Variants in INO80 observed in about 807,000 individuals in gnomAD.
The protein encoded by INO80 is INO80 complex ATPase subunit.
A neutral mutation model predicts 203.4 loss-of-function variants in INO80; 20 were observed. The observed-to-expected ratio is 0.10, with a 90% CI of 0.07 to 0.14. INO80 has a LOEUF of 0.14. INO80 is among the 10% of genes least tolerant of loss of function. INO80 has a pLI of 1.00. For missense variants in INO80, 1,419 were observed against 1,914.4 expected (o/e 0.74, Z 4.83); for synonymous variants, 726 against 685.2 (o/e 1.06, Z -0.93).
At chr15:41,096,607 T>C (rs537146999) in intron 1 of INO80, among the ~76,000 whole-genome samples, 2 of 152,342 alleles carry the variant, frequency 1.3e-5, no homozygotes, top group Admixed American at 6.5e-5. Flanking sequence ...ATTCATACTA[T>C]ACTTTTTCAA....
chr15:41,017,273 C>G (rs2044225175), intron 26 of INO80: 1 of 152,148 alleles, frequency 6.6e-6, no homozygotes, highest in Non-Finnish European at 1.5e-5. Flanking sequence ...CTATCATATT[C>G]AGGAAGTAGA....
At chr15:41,008,056 C>T (rs752870721) in intron 27 of INO80, among the ~76,000 whole-genome samples, 63 of 152,138 alleles carry the variant, frequency 4.1e-4, no homozygotes, top group Non-Finnish European at 6.3e-4. Flanking sequence ...TGCCTGTAGT[C>T]CCAGCTACTC....
chr15:41,068,314 G>C (rs979044022), intron 14 of INO80, among the ~76,000 whole-genome samples: 2 of 152,154 alleles, frequency 1.3e-5, no homozygotes, highest in Non-Finnish European at 2.9e-5. Context: ...CAGCACTTCA[G>C]GAGGCTGACA....
intron 5 of INO80, among the ~76,000 whole-genome samples, chr15:41,088,093 T>C (rs1005601436): frequency 2.0e-4 from 29 of 144,734 alleles, no homozygotes; most frequent in African/African-American, 6.7e-4. Context: ...TTTTCTTTTT[T>C]TTTTTTTTTT....
At chr15:41,039,782 G>A (rs908020180) in intron 24 of INO80, among the ~76,000 whole-genome samples, 6 of 152,142 alleles carry the variant, frequency 3.9e-5, no homozygotes, top group African/African-American at 1.4e-4. Flanking sequence ...TAAAACACAG[G>A]AATATCTTCT....
At chr15:40,995,539 G>C (rs1010518181) in intron 29 of INO80, among the ~76,000 whole-genome samples, 24 of 152,198 alleles carry the variant, frequency 1.6e-4, no homozygotes, top group African/African-American at 5.8e-4. Context: ...AATTCCTGAA[G>C]AGTTTTAATC....
Position 41,004,570 on chromosome 15 carries a change from C to CG in INO80, c.3497+1022_3497+1023insC, listed in dbSNP as rs1333951827. ...AAACTGAAGACGAAGTTCAACAGAC[C>CG]CGTCACTAGTGGAGCCTGGCTTTCT... On this transcript the variant is annotated intron_variant, in intron 28 of 35. Coordinates refer to ENST00000648947, the MANE Select transcript of INO80 (RefSeq NM_017553.3). The CG allele has an allele frequency of 2.0e-5, 3 of 152,138 alleles. No homozygotes were observed. In the East Asian group the frequency reaches 5.8e-4, roughly 29 times the overall value. The allele number at this position is 152,138 out of a possible 1,614,324, so 9.4% of individuals were successfully genotyped here.
In INO80 at chr15:40,980,383, T is replaced by A; in HGVS notation, c.4511A>T (p.Asp1504Val). ...AGAAGAGGCGCTTGAAGGTCCAAAG[T>A]CAGCAAGGCCAGCAGGCCGAACAAG... ...TSLVRPAGLA[D>V]FGPSSASSPL... The change falls in exon 36 of 36, where the codon GAC becomes GTC. Residue 1504 changes from aspartate to valine, a missense_variant. By Grantham distance (152) the Asp-to-Val change is radical. Around this residue, in one of 9 missense-constraint regions of INO80, gnomAD observed 112 missense variants for 106.2 expected, o/e 1.05. Transcript: ENST00000648947. The A allele has an allele frequency of 6.2e-7, 1 of 1,613,912 alleles. No individual in the cohort carries two copies. The highest frequency in any genetic ancestry group is 1.1e-5 in the South Asian group (1 of 91,068).
intron 24 of INO80, among the ~76,000 whole-genome samples, chr15:41,037,450 G>T (rs2044596648): frequency 6.6e-6 from 1 of 152,078 alleles, no homozygotes; most frequent in African/African-American, 2.4e-5. Context: ...GTTGCAGTGA[G>T]CCAATATCGT....
At chr15:41,054,165 G>A in intron 18 of INO80, 151 bp from the exon 19 acceptor site, 1 of 594,836 alleles carries the variant, frequency 1.7e-6, no homozygotes, top group South Asian at 2.5e-5. Flanking sequence ...TCCCAAGTAG[G>A]AAAGCAAGGA....
chr15:41,081,049 G>C lies in INO80; in HGVS notation c.898C>G (p.Arg300Gly). Residue 300 changes from arginine to glycine, a missense_variant, in exon 8 of 36, where the codon CGT becomes GGT. Arg to Gly is a moderately radical substitution (Grantham distance 125, BLOSUM62 -2). Transcript: ENST00000648947. ...PKANKQKASARNLFLTNSRKL... is the reference protein window; with the variant it reads ...PKANKQKASAGNLFLTNSRKL... ...CGGCTATTGGTGAGAAACAGGTTAC[G>C]AGCTGAAGCTTTCTGCTTATTTGCC... The C allele has an allele frequency of 6.2e-7, 1 of 1,600,484 alleles. No homozygotes were observed. The highest frequency in any genetic ancestry group is 8.6e-7 in the Non-Finnish European group (1 of 1,168,420).
At chr15:41,069,018 C>G (rs181996786) in intron 14 of INO80, among the ~76,000 whole-genome samples, 1 of 152,156 alleles carries the variant, frequency 6.6e-6, no homozygotes, top group Non-Finnish European at 1.5e-5. Context: ...TGTTTTCTAC[C>G]GTGGCAGTTT....
At chr15:40,996,352 T>C (rs1433636149) in intron 29 of INO80, among the ~76,000 whole-genome samples, 1 of 152,198 alleles carries the variant, frequency 6.6e-6, no homozygotes. Flanking sequence ...TGAGACAGTC[T>C]CACTCTGTCG....
At chr15:41,036,725 T>C (rs918733972) in intron 24 of INO80, among the ~76,000 whole-genome samples, 1 of 152,140 alleles carries the variant, frequency 6.6e-6, no homozygotes, top group African/African-American at 2.4e-5. Context: ...TATTTAACCT[T>C]AAAAGTGCCC....
chr15:41,020,004 G>A (rs573168914), intron 26 of INO80, among the ~76,000 whole-genome samples: 1 of 152,222 alleles, frequency 6.6e-6, no homozygotes, highest in South Asian at 2.1e-4. Flanking sequence ...GGCAGATCAC[G>A]AGGTCAGGAG....
chr15:41,047,329 T>C, intron 23 of INO80, 79 bp downstream of exon 23: 1 of 856,004 alleles, frequency 1.2e-6, no homozygotes, highest in Non-Finnish European at 1.9e-6. Flanking sequence ...TCATATTAAA[T>C]ATTTAATTCC....
At position 41,050,093 on chromosome 15, in the gene INO80, G is replaced by T; in HGVS notation, c.2284C>A (p.Leu762Ile). Residue 762 changes from leucine (L) to isoleucine (I), a missense_variant, in exon 20 of 36, where the codon CTA becomes ATA. Around this residue, in one of 9 missense-constraint regions of INO80, gnomAD observed 192 missense variants for 406.7 expected, o/e 0.47. Coordinates refer to ENST00000648947, the MANE Select transcript of INO80 (RefSeq NM_017553.3). ...CGGCTGGTCAGTTGGCAATACATTA[G>T]AATCTCAATCTAAAAATCAATAAGA... is the stretch of plus-strand genomic sequence containing the variant. ...ENELSDKIEI[L>I]MYCQLTSRQK... 1 of 1,601,550 alleles carries T rather than the reference G, an allele frequency of 6.2e-7. No individual in the cohort carries two copies. Among genetic ancestry groups the T allele is most frequent in the East Asian group, 2.2e-5 (1 of 44,708 alleles).
At position 41,058,696 on chromosome 15, in the gene INO80, C is replaced by T; in HGVS notation, c.1928G>A (p.Arg643Gln). The change falls in exon 16 of 36, where the codon CGG becomes CAG. Residue 643 changes from arginine (R) to glutamine (Q), a missense_variant. By Grantham distance (43) the Arg-to-Gln change is conservative (BLOSUM62 1). This residue lies in a region of INO80 where 192 missense variants were observed against 406.7 expected (regional missense o/e 0.47). Transcript: ENST00000648947. ...LVVQDVKYFQ[R>Q]VKWQYMVLDE... Reference sequence around the variant, plus strand: ...CAGTACCATGTATTGCCACTTGACCCGCTGGAAATACTTTACATCCTGCAC... The same window carrying T: ...CAGTACCATGTATTGCCACTTGACCTGCTGGAAATACTTTACATCCTGCAC... The T allele has an allele frequency of 1.9e-6, 3 of 1,613,796 alleles. No homozygotes were observed. The highest frequency in any genetic ancestry group is 2.5e-6 in the Non-Finnish European group (3 of 1,179,940).
rs368322933 is a variant in INO80 at position 40,980,183 on chromosome 15, A to C, written c.*40T>G. ...AAGACCACTGGCAGGTCAGGACTCT[A>C]GCCCTGGTTTGGTTGAAGGAAGTCG... On this transcript the variant is annotated 3_prime_UTR_variant, in exon 36 of 36. Transcript: ENST00000648947. 9.1e-6 allele frequency: 14 copies of C among 1,539,252 alleles called. No homozygotes were observed. The African/African-American group carries it at 1.6e-4, about 18-fold the overall frequency.
Sources: allele counts gnomAD v4.1 joint callset (sites outside exome capture counted in the v4.1 genomes callset), GRCh38; gene constraint gnomAD v4.1.1; regional missense constraint gnomAD v4.1.1; transcripts MANE v1.5; gene names NCBI Gene and HGNC (gene_info 2026-07-23, HGNC 2026-07-21).